The following ANXA2 variants were observed in gnomAD, a reference collection of about 807,000 sequenced individuals.
ANXA2 encodes the protein annexin A2, also known as annexin II.
In ANXA2, 28 loss-of-function variants were observed where a neutral mutation model predicts 47.3. The ratio of observed to expected loss-of-function variants is 0.59; its 90% confidence interval spans 0.44 to 0.81. The LOEUF (loss-of-function observed/expected upper bound fraction) is 0.81. Among genes scored for constraint, ANXA2 ranks in the 40% least tolerant of loss-of-function variants. The probability of loss-of-function intolerance (pLI) is 0.00; values close to 1 mark genes in which losing one functional copy is unlikely to be tolerated. For missense variants in ANXA2, 384 were observed against 414.3 expected (o/e 0.93, Z 0.64); for synonymous variants, 172 against 155.5 (o/e 1.11, Z -0.79).
At chr15:60,376,437 G>A (rs1416531303) in intron 3 of ANXA2, among the ~76,000 whole-genome samples, 1 of 152,088 alleles carries the variant, frequency 6.6e-6, no homozygotes, top group Non-Finnish European at 1.5e-5. Context: ...CAGGAGAGGG[G>A]TGACAAGAGT....
intron 3 of ANXA2, among the ~76,000 whole-genome samples, chr15:60,365,334 C>A (rs2062580360): frequency 6.6e-6 from 1 of 152,046 alleles, no homozygotes. Flanking sequence ...AATTTCATAT[C>A]AGAAATACTC....
Position 60,366,426 on chromosome 15 carries a change from G to A in ANXA2, c.149-1903C>T, listed in dbSNP as rs1315179162. Among the ~76,000 whole-genome samples, 9 of 148,906 alleles carry A rather than the reference G, an allele frequency of 6.0e-5. No homozygotes were observed. The South Asian group carries it at 1.3e-3, about 21-fold the overall frequency. Reference sequence around the variant, plus strand: ...GAGCATCTCTGCGCGGCCGCCCATCGTCTGAGATGTGGGGAGCACCTCTGC... The same window carrying A: ...GAGCATCTCTGCGCGGCCGCCCATCATCTGAGATGTGGGGAGCACCTCTGC... On this transcript the variant is annotated intron_variant, in intron 3 of 12. Coordinates refer to ENST00000451270, the MANE Select transcript of ANXA2 (RefSeq NM_004039.3).
At chr15:60,364,408 C>A in intron 4 of ANXA2, 21 bp downstream of exon 4, 1 of 1,590,744 alleles carries the variant, frequency 6.3e-7, no homozygotes, top group South Asian at 1.1e-5. Flanking sequence ...AAATGCCCTC[C>A]ATCCCTGGAA....
Position 60,352,510 on chromosome 15 carries a change from C to T in ANXA2, c.589-34G>A. 1 of 1,463,386 alleles carries T rather than the reference C, an allele frequency of 6.8e-7. No individual in the cohort carries two copies. The highest frequency in any genetic ancestry group is 9.5e-7 in the Non-Finnish European group (1 of 1,051,082). The allele number at this position is 1,463,386 out of a possible 1,614,324, so 90.7% of individuals were successfully genotyped here. A position where few individuals can be genotyped will look rare whatever the true frequency, so the allele number is the denominator to read the frequency against. On this transcript the variant is annotated intron_variant, in intron 8 of 12. Coordinates refer to ENST00000451270, the MANE Select transcript of ANXA2 (RefSeq NM_004039.3). This position sits in a 1 kb window ranked among gnomAD's most constrained non-coding sequence, Gnocchi z 4.2. ...ACAACCAACCAGGAAAAGTTAACTA[C>T]ACATCCAATGTAACGTCAAAAAAAA...
chr15:60,366,789 T>A (rs1299924024), intron 3 of ANXA2, among the ~76,000 whole-genome samples: 2 of 43,936 alleles, frequency 4.6e-5, no homozygotes, highest in African/African-American at 1.7e-4. Flanking sequence ...AGCCGCCCCG[T>A]CCGGGAGGGA....
chr15:60,397,749 GCCCCAAACACCTTGTCCCTGAGCCCCCT>G, intron 1 of ANXA2, 166 bp downstream of exon 1: 1 of 774,440 alleles, frequency 1.3e-6, no homozygotes, highest in Non-Finnish European at 1.7e-6. Context: ...CCTCACCCCT[GCCCCAAACACCTTGTCCCTGAGCCCCCT>G]CCCCAAAGAC....
intron 12 of ANXA2, among the ~76,000 whole-genome samples, chr15:60,348,466 C>T (rs898856745): frequency 2.0e-5 from 3 of 152,110 alleles, no homozygotes; most frequent in African/African-American, 2.4e-5. Flanking sequence ...AAAATGTGGC[C>T]GGGCGCAGTG....
At chr15:60,368,308 T>TA (rs147990822) in intron 3 of ANXA2, among the ~76,000 whole-genome samples, 12 of 134,982 alleles carry the variant, frequency 8.9e-5, no homozygotes, top group East Asian at 7.2e-4. Context: ...GAATGATCAA[T>TA]AAAAAAAAAA....
chr15:60,368,565 TAAA>T (rs749300788), intron 3 of ANXA2, among the ~76,000 whole-genome samples: 1 of 140,316 alleles, frequency 7.1e-6, no homozygotes, highest in African/African-American at 2.6e-5. Context: ...TACTGTTAAG[TAAA>T]AAAAAAAAAA....
chr15:60,384,592 A>G (rs1029805825), intron 2 of ANXA2: 5 of 152,374 alleles, frequency 3.3e-5, no homozygotes, highest in Middle Eastern at 3.4e-3. Context: ...ATCTAAGTCC[A>G]TTAGAGAAAC....
rs533793023 is a variant in ANXA2 at position 60,362,288 on chromosome 15, T to C, written c.244-1234A>G. ...ACCCATTCTCTATTCAAACCTCAAA[T>C]AGCATTTGGGCACCTACTGACTTCT... On this transcript the variant is annotated intron_variant, in intron 4 of 12. Coordinates refer to ENST00000451270, the MANE Select transcript of ANXA2 (RefSeq NM_004039.3). Among the ~76,000 whole-genome samples the C allele has an allele frequency of 2.6e-5, 4 of 152,258 alleles. No homozygotes were observed. In the East Asian group the frequency reaches 5.8e-4, roughly 22 times the overall value.
chr15:60,355,694 T>C, intron 7 of ANXA2: 2 of 597,568 alleles, frequency 3.3e-6, no homozygotes, highest in Non-Finnish European at 6.1e-6. Flanking sequence ...GCCCATCCCT[T>C]CTCTGGCTCC....
At chr15:60,368,062 T>C (rs1020971678) in intron 3 of ANXA2, among the ~76,000 whole-genome samples, 3 of 136,066 alleles carry the variant, frequency 2.2e-5, no homozygotes, top group Non-Finnish European at 4.7e-5. Flanking sequence ...CAGGGTTAAA[T>C]GGATTAAGGG....
chr15:60,371,545 G>C (rs1251421612), intron 3 of ANXA2, among the ~76,000 whole-genome samples: 1 of 152,140 alleles, frequency 6.6e-6, no homozygotes, highest in Non-Finnish European at 1.5e-5. Flanking sequence ...CAGCCGTTCT[G>C]AACAGGATGC....
intron 3 of ANXA2, among the ~76,000 whole-genome samples, chr15:60,374,901 C>T (rs534785988): frequency 1.3e-5 from 2 of 152,310 alleles, no homozygotes; most frequent in South Asian, 4.1e-4. Context: ...CCCTGGGCTA[C>T]GTGAGTCACA....
chr15:60,354,212 C>A lies in ANXA2; in HGVS notation c.530G>T (p.Gly177Val), dbSNP rs780668096. The A allele has an allele frequency of 3.1e-6, 5 of 1,607,670 alleles. No individual in the cohort carries two copies. In the East Asian group the frequency reaches 8.9e-5, roughly 29 times the overall value. Residue 177 changes from glycine (G) to valine (V), a missense_variant and splice_region_variant, in exon 8 of 13, where the codon GGT becomes GTT. Gly to Val is a moderately radical substitution (Grantham distance 109, BLOSUM62 -3). Transcript: ENST00000451270. ...FRKLMVALAKGRRAEDGSVID... is the reference protein window; with the variant it reads ...FRKLMVALAKVRRAEDGSVID... ...GACAGAGCCATCCTCTGCTCTTCTA[C>A]CCTATGGGGGAAAGAAAAAGAACTT...
chr15:60,390,477 G>A (rs982201632), intron 1 of ANXA2: 4 of 508,652 alleles, frequency 7.9e-6, no homozygotes, highest in South Asian at 2.9e-5. Context: ...CAGGGAAAGC[G>A]GCGTTATGAC....
At chr15:60,380,955 A>G (rs894681255) in intron 3 of ANXA2, among the ~76,000 whole-genome samples, 5 of 152,062 alleles carry the variant, frequency 3.3e-5, no homozygotes. Flanking sequence ...ATGCAAATAA[A>G]TCCTCACATC....
Position 60,364,958 on chromosome 15 carries a change from C to T in ANXA2, c.149-435G>A, listed in dbSNP as rs368690485. Among the ~76,000 whole-genome samples, 126 of 148,944 alleles carry T rather than the reference C, an allele frequency of 8.5e-4. 1 individual carries two copies. Among genetic ancestry groups the T allele is most frequent in the South Asian group, 6.5e-4 (3 of 4,644 alleles). ...GAATTAATAGAGATAATTATTTATA[C>T]TTATTGCAGGATTATGGCTATATAA... On this transcript the variant is annotated intron_variant, in intron 3 of 12. Transcript: ENST00000451270.
Sources: allele counts gnomAD v4.1 joint callset (sites outside exome capture counted in the v4.1 genomes callset), GRCh38; gene constraint gnomAD v4.1.1; non-coding constraint Gnocchi (gnomAD v3.1); transcripts MANE v1.5; gene names NCBI Gene and HGNC (gene_info 2026-07-23, HGNC 2026-07-21).